Variants in MPPED2 observed in about 807,000 individuals in gnomAD.
The protein encoded by MPPED2 is metallophosphoesterase domain containing 2, also known as metallophosphoesterase MPPED2.
MPPED2 carries 5 observed loss-of-function variants against 33.0 expected under a neutral mutation model. The observed-to-expected ratio is 0.15, with a 90% CI of 0.08 to 0.32. The LOEUF (loss-of-function observed/expected upper bound fraction) is 0.32. Ranked by LOEUF, MPPED2 falls within the 10% of genes least tolerant of loss-of-function variation. MPPED2 has a pLI of 1.00. For missense variants in MPPED2, 275 were observed against 372.1 expected, an observed-to-expected ratio of 0.74 and a Z score of 2.15; for synonymous variants, 136 against 141.9, an observed-to-expected ratio of 0.96 and a Z score of 0.29.
intron 2 of MPPED2, among the ~76,000 whole-genome samples, chr11:30,570,919 G>A (rs930877723): frequency 6.6e-6 from 1 of 152,056 alleles, no homozygotes; most frequent in African/African-American, 2.4e-5. Flanking sequence ...TCCAATCCAA[G>A]AATTATCAAA....
chr11:30,444,789 A>G (rs1949731728), intron 4 of MPPED2, among the ~76,000 whole-genome samples: 2 of 152,210 alleles, frequency 1.3e-5, no homozygotes, highest in African/African-American at 4.8e-5. Context: ...ACATTAAACA[A>G]TTTTAGATGT....
intron 4 of MPPED2, among the ~76,000 whole-genome samples, chr11:30,444,231 G>A (rs1004729219): frequency 6.6e-6 from 1 of 152,250 alleles, no homozygotes; most frequent in African/African-American, 2.4e-5. Context: ...GAACTGACCC[G>A]GCATGATCTG....
chr11:30,526,443 CA>C (rs1954182277), intron 3 of MPPED2, among the ~76,000 whole-genome samples: 3 of 152,104 alleles, frequency 2.0e-5, no homozygotes, highest in Admixed American at 2.0e-4. Flanking sequence ...AATTATGAAT[CA>C]AAAACTTAAA....
chr11:30,578,869 A>G (rs1306439835), intron 2 of MPPED2, among the ~76,000 whole-genome samples: 1 of 152,222 alleles, frequency 6.6e-6, no homozygotes, highest in Non-Finnish European at 1.5e-5. Context: ...ATTTTAACAA[A>G]GAAAAACTTT....
At chr11:30,439,076 C>T (rs568858603) in intron 4 of MPPED2, among the ~76,000 whole-genome samples, 1 of 152,266 alleles carries the variant, frequency 6.6e-6, no homozygotes, top group African/African-American at 2.4e-5. Context: ...TGGAAGAAGA[C>T]AGGTAGGACT....
intron 4 of MPPED2, among the ~76,000 whole-genome samples, chr11:30,471,052 A>G (rs1392073353): frequency 6.6e-6 from 1 of 152,204 alleles, no homozygotes; most frequent in Admixed American, 6.5e-5. Context: ...TTATCAGATT[A>G]CTAGAGAATC....
intron 6 of MPPED2, among the ~76,000 whole-genome samples, chr11:30,392,538 G>A (rs1379859707): frequency 6.6e-6 from 1 of 152,182 alleles, no homozygotes; most frequent in Non-Finnish European, 1.5e-5. Flanking sequence ...GCTTCTCTCC[G>A]GAATTGCTTC....
chr11:30,423,987 T>C (rs1345411978), intron 4 of MPPED2, among the ~76,000 whole-genome samples: 1 of 152,192 alleles, frequency 6.6e-6, no homozygotes, highest in Non-Finnish European at 1.5e-5. Flanking sequence ...TATTAAAAGG[T>C]ACTTCCTCAG....
intron 2 of MPPED2, among the ~76,000 whole-genome samples, chr11:30,553,471 GCA>G (rs1955815692): frequency 6.6e-6 from 1 of 152,172 alleles, no homozygotes; most frequent in African/African-American, 2.4e-5. Flanking sequence ...CTTCTAAGTT[GCA>G]TTTGCATTTC....
chr11:30,421,710 C>G lies in MPPED2; in HGVS notation c.537-4077G>C, dbSNP rs931814963. Among the ~76,000 whole-genome samples the G allele has an allele frequency of 5.3e-5, 8 of 152,180 alleles. No individual in the cohort carries two copies. In the East Asian group the frequency reaches 1.2e-3, roughly 22 times the overall value. On this transcript the variant is annotated intron_variant, in intron 4 of 6. Transcript: ENST00000358117. Reference sequence around the variant, plus strand: ...CTGGCTCCAAAGCCTGGGTTCTTCCCTTGCACAATGCTGACCAAAACCTAC... The same window carrying G: ...CTGGCTCCAAAGCCTGGGTTCTTCCGTTGCACAATGCTGACCAAAACCTAC...
At chr11:30,530,291 G>A (rs749372611) in intron 3 of MPPED2, among the ~76,000 whole-genome samples, 11 of 152,244 alleles carry the variant, frequency 7.2e-5, no homozygotes, top group South Asian at 4.2e-4. Flanking sequence ...GGCCAAAAGC[G>A]GAGGCAGGAA....
chr11:30,439,868 T>C (rs528952475), intron 4 of MPPED2, among the ~76,000 whole-genome samples: 2 of 152,348 alleles, frequency 1.3e-5, no homozygotes, highest in Admixed American at 1.3e-4. Flanking sequence ...CTTAAGCAAG[T>C]TACTTAACAT....
intron 4 of MPPED2, among the ~76,000 whole-genome samples, chr11:30,456,233 T>C (rs998512203): frequency 2.0e-5 from 3 of 152,186 alleles, no homozygotes; most frequent in Admixed American, 1.3e-4. Flanking sequence ...AAATGCCAAG[T>C]TCCCTTTGAC....
At chr11:30,521,766 C>T (rs574769999) in intron 3 of MPPED2, among the ~76,000 whole-genome samples, 1 of 152,256 alleles carries the variant, frequency 6.6e-6, no homozygotes, top group African/African-American at 2.4e-5. Flanking sequence ...TACTAGTCTC[C>T]AGGATCCTGG....
intron 4 of MPPED2, among the ~76,000 whole-genome samples, chr11:30,473,112 T>C (rs1427701182): frequency 6.6e-6 from 1 of 152,192 alleles, no homozygotes; most frequent in African/African-American, 2.4e-5. Flanking sequence ...AGCAGCTACA[T>C]GGTATTCTAT....
chr11:30,532,861 C>T (rs1954603730), intron 3 of MPPED2, among the ~76,000 whole-genome samples: 1 of 152,188 alleles, frequency 6.6e-6, no homozygotes, highest in Non-Finnish European at 1.5e-5. Context: ...GACATATGTA[C>T]AGATTAACCA....
At chr11:30,567,415 A>T (rs73463712) in intron 2 of MPPED2, among the ~76,000 whole-genome samples, 2,099 of 152,246 alleles carry the variant, frequency 0.014, 52 homozygotes, top group African/African-American at 0.048. Flanking sequence ...ATTTGATCCC[A>T]TCAGAGTTTT....
chr11:30,435,398 G>T (rs549411372), intron 4 of MPPED2, among the ~76,000 whole-genome samples: 5 of 152,284 alleles, frequency 3.3e-5, no homozygotes, highest in African/African-American at 1.2e-4. Context: ...ATTTCCAAAA[G>T]TCAGGTTTTT....
chr11:30,538,161 C>T (rs956275502), intron 2 of MPPED2, among the ~76,000 whole-genome samples: 15 of 152,110 alleles, frequency 9.9e-5, no homozygotes, highest in Non-Finnish European at 1.9e-4. Context: ...TCAGCCACTA[C>T]ATCTCTAAAT....
Sources: gnomAD v4.1 joint callset for allele counts (sites outside exome capture counted in the v4.1 genomes callset) on GRCh38, gnomAD v4.1.1 for gene constraint, MANE v1.5 for transcripts, NCBI Gene and HGNC (gene_info 2026-07-23, HGNC 2026-07-21) for gene names.